The following PSG9 variants were observed in gnomAD, a reference collection of about 807,000 sequenced individuals.
PSG9 encodes pregnancy specific beta-1-glycoprotein 9, also known as pregnancy-specific beta-1-glycoprotein 9.
Under a neutral mutation model 41.9 loss-of-function variants are expected in PSG9, and 49 were observed. That is an observed-to-expected ratio of 1.17 (90% CI 0.93 to 1.48). The LOEUF (loss-of-function observed/expected upper bound fraction) is 1.48. Ranked by LOEUF, PSG9 falls within the 40% of genes most tolerant of loss-of-function variation. The pLI, the probability that PSG9 is intolerant of heterozygous loss-of-function variation, is 0.00. For missense variants in PSG9, 641 were observed against 520.3 expected (o/e 1.23, Z -2.26); for synonymous variants, 263 against 196.8 (o/e 1.34, Z -2.82).
intron 5 of PSG9, among the ~76,000 whole-genome samples, chr19:43,255,085 G>C (rs370027158): frequency 7.6e-6 from 1 of 131,956 alleles, no homozygotes; most frequent in African/African-American, 3.1e-5. Flanking sequence ...TACAGAGTGA[G>C]AGCCTGTCTC....
intron 2 of PSG9, among the ~76,000 whole-genome samples, chr19:43,266,626 A>G (rs1968980927): frequency 6.6e-6 from 1 of 152,102 alleles, no homozygotes; most frequent in South Asian, 2.1e-4. Context: ...TGGTTGAGGC[A>G]GGTGATTTAG....
chr19:43,262,438 G>A (rs377542790), intron 2 of PSG9, among the ~76,000 whole-genome samples: 2 of 152,086 alleles, frequency 1.3e-5, no homozygotes, highest in Admixed American at 6.5e-5. Context: ...GAGTCCCTCC[G>A]TCTCCAACTG....
At position 43,262,029 on chromosome 19, in the gene PSG9, C is replaced by A; in HGVS notation, c.540G>T (p.Trp180Cys). Reference protein sequence around the residue: ...DPETLDASYLWWMNGQSLPVT... With the variant: ...DPETLDASYLCWMNGQSLPVT... Reference sequence around the variant, plus strand: ...CAGGGAGGCTCTGACCATTCATCCACCATAGGTAGCTTGCGTCCAGAGTCT... The same window carrying A: ...CAGGGAGGCTCTGACCATTCATCCAACATAGGTAGCTTGCGTCCAGAGTCT... The change falls in exon 3 of 6, where the codon TGG becomes TGT. Residue 180 changes from tryptophan to cysteine, a missense_variant. Trp to Cys is a radical substitution (Grantham distance 215). Coordinates refer to ENST00000270077, the MANE Select transcript of PSG9 (RefSeq NM_002784.5). The A allele has an allele frequency of 6.2e-7, 1 of 1,614,014 alleles. No homozygotes were observed. The highest frequency in any genetic ancestry group is 2.2e-5 in the East Asian group (1 of 44,874).
chr19:43,267,395 G>T (rs539992714), intron 2 of PSG9, among the ~76,000 whole-genome samples: 64 of 152,218 alleles, frequency 4.2e-4, no homozygotes, highest in South Asian at 2.5e-3. Flanking sequence ...GGGGTCTGGG[G>T]TTGAGGCTTC....
In PSG9 at chr19:43,258,627, T is replaced by C. The variant is rs1206562720; in HGVS notation, c.989-171A>G. 2.7e-5 allele frequency among the ~76,000 whole-genome samples: 4 copies of C among 146,156 alleles called. 1 individual carries two copies. The highest frequency in any genetic ancestry group is 5.2e-5 in the African/African-American group (2 of 38,410). ...CTGAGGTATTCACCTGTTTCTCCCATCACAAGCTGTGGGCCCCAAGTCTCC... is the reference window on the plus strand; with the variant it reads ...CTGAGGTATTCACCTGTTTCTCCCACCACAAGCTGTGGGCCCCAAGTCTCC... On this transcript the variant is annotated intron_variant, in intron 4 of 5. Coordinates refer to ENST00000270077, the MANE Select transcript of PSG9 (RefSeq NM_002784.5).
rs200083247 is a variant in PSG9, at chr19:43,269,424, G to A, written c.8C>T (p.Pro3Leu). 3.4e-5 allele frequency: 55 copies of A among 1,613,574 alleles called. No homozygotes were observed. The highest frequency in any genetic ancestry group is 1.7e-4 in the Middle Eastern group (1 of 6,054). MG[P>L]LPAPSCTQRI... Reference sequence around the variant, plus strand: ...CTGTGTGCAGGAAGGGGCTGGGAGGGGCCCCATGGTCTCTGCTGCCTGTGT... The same window carrying A: ...CTGTGTGCAGGAAGGGGCTGGGAGGAGCCCCATGGTCTCTGCTGCCTGTGT... The change falls in exon 1 of 6, where the codon CCC (proline) becomes CTC (leucine). Residue 3 changes from proline to leucine, a missense_variant. Pro to Leu is a moderately conservative substitution (Grantham distance 98). Transcript: ENST00000270077.
At chr19:43,255,836 T>G (rs1215948298) in intron 5 of PSG9, among the ~76,000 whole-genome samples, 2 of 146,538 alleles carry the variant, frequency 1.4e-5, no homozygotes, top group Non-Finnish European at 3.0e-5. Context: ...TACAAAATAT[T>G]GCTGAAAGAA....
At chr19:43,258,773 C>T (rs1177003086) in intron 4 of PSG9, 84 bp downstream of exon 4, 7 of 1,542,542 alleles carry the variant, frequency 4.5e-6, no homozygotes, top group Non-Finnish European at 5.2e-6. Flanking sequence ...TATACTTGGA[C>T]CGGAGAGAGA....
At chr19:43,268,636 C>T (rs56135657) in intron 1 of PSG9, among the ~76,000 whole-genome samples, 4 of 152,074 alleles carry the variant, frequency 2.6e-5, no homozygotes, top group East Asian at 1.9e-4. Flanking sequence ...GCGTGAGCTC[C>T]GTGAGGACAG....
rs1278059682 is a variant in PSG9, at chr19:43,267,884, C to T, written c.330G>A (p.Gln110=). The change falls in exon 2 of 6, where the codon CAG becomes CAA. Residue 110 remains glutamine, a synonymous_variant. Coordinates refer to ENST00000270077, the MANE Select transcript of PSG9 (RefSeq NM_002784.5). ...TVYSNASLLI[Q]NVTRKDAGTY... ...TTCCTGCATCCTTCCGGGTGACATT[C>T]TGGATCAGCAGGGATGCGTTGGAAT... 2 of 1,613,800 alleles carry T rather than the reference C, an allele frequency of 1.2e-6. No individual in the cohort carries two copies. The highest frequency in any genetic ancestry group is 2.7e-5 in the African/African-American group (2 of 74,994).
In PSG9 at chr19:43,258,584, T is replaced by A. The variant is rs1234260371; in HGVS notation, c.989-128A>T. 9 of 1,423,490 alleles carry A rather than the reference T, an allele frequency of 6.3e-6. 3 individuals carry two copies. The East Asian group carries it at 2.5e-4, about 40-fold the overall frequency. 88.2% of individuals were successfully genotyped at this position (1,423,490 alleles called of 1,614,324 possible). On this transcript the variant is annotated intron_variant, in intron 4 of 5. Transcript: ENST00000270077. Reference sequence around the variant, plus strand: ...TCAAGTCCCAGCCAAAGTCCCTCTATGTTCACTGAGCTGAAGCCTGAGGTA... The same window carrying A: ...TCAAGTCCCAGCCAAAGTCCCTCTAAGTTCACTGAGCTGAAGCCTGAGGTA...
chr19:43,255,615 T>C (rs1438191096), intron 5 of PSG9, among the ~76,000 whole-genome samples: 1 of 146,772 alleles, frequency 6.8e-6, no homozygotes, highest in African/African-American at 2.6e-5. Context: ...ATCCTAAAGA[T>C]TGAACAAACC....
At chr19:43,265,751 A>G (rs1968936670) in intron 2 of PSG9, among the ~76,000 whole-genome samples, 1 of 152,156 alleles carries the variant, frequency 6.6e-6, no homozygotes, top group African/African-American at 2.4e-5. Flanking sequence ...TTGTCTGGCA[A>G]TTATGAGTGG....
rs1968761386 is a variant in PSG9, at chr19:43,262,260, C to T, written c.431-122G>A. 8 of 1,505,970 alleles carry T rather than the reference C, an allele frequency of 5.3e-6. 1 individual carries two copies. The South Asian group carries it at 1.1e-4, about 20-fold the overall frequency. The allele number at this position is 1,505,970 out of a possible 1,614,324, so 93.3% of individuals were successfully genotyped here. A position where few individuals can be genotyped will look rare whatever the true frequency, so the allele number is the denominator to read the frequency against. On this transcript the variant is annotated intron_variant, in intron 2 of 5. Coordinates refer to ENST00000270077, the MANE Select transcript of PSG9 (RefSeq NM_002784.5). ...CAACCCAGTCCTTAAAAGCCCATGGCAGGTGTGTGTGTTACAAGACAGATG... is the reference window on the plus strand; with the variant it reads ...CAACCCAGTCCTTAAAAGCCCATGGTAGGTGTGTGTGTTACAAGACAGATG...
At chr19:43,267,260 A>G (rs12971327) in intron 2 of PSG9, among the ~76,000 whole-genome samples, 35,294 of 152,042 alleles carry the variant, frequency 0.23, 4,619 homozygotes, top group East Asian at 0.48. Flanking sequence ...GCTGGTGAAC[A>G]GCTCCAGGAG....
chr19:43,266,744 C>G (rs1009076049), intron 2 of PSG9, among the ~76,000 whole-genome samples: 1 of 152,104 alleles, frequency 6.6e-6, no homozygotes, highest in Non-Finnish European at 1.5e-5. Flanking sequence ...GTCCTTGGAA[C>G]CCAGTAAGCC....
chr19:43,266,597 T>C (rs1968979177), intron 2 of PSG9, among the ~76,000 whole-genome samples: 1 of 152,020 alleles, frequency 6.6e-6, no homozygotes, highest in Admixed American at 6.6e-5. Context: ...CCTGGACATA[T>C]TTTTTGCACT....
intron 1 of PSG9, among the ~76,000 whole-genome samples, chr19:43,268,662 T>C (rs1044216850): frequency 6.6e-6 from 1 of 152,168 alleles, no homozygotes; most frequent in African/African-American, 2.4e-5. Context: ...TTTGTGATCC[T>C]GGTTGCACCC....
intron 5 of PSG9, among the ~76,000 whole-genome samples, chr19:43,255,930 C>A (rs1192640439): frequency 6.8e-6 from 1 of 146,262 alleles, no homozygotes; most frequent in Non-Finnish European, 1.5e-5. Context: ...CAGTGCTACC[C>A]AAAGTGACTG....
Sources: gnomAD v4.1 joint callset for allele counts (sites outside exome capture counted in the v4.1 genomes callset) on GRCh38, gnomAD v4.1.1 for gene constraint, MANE v1.5 for transcripts, NCBI Gene and HGNC (gene_info 2026-07-23, HGNC 2026-07-21) for gene names.